Variants in CLMN observed in about 807,000 individuals in gnomAD.
CLMN encodes calmin (calponin-like, transmembrane).
CLMN carries 57 observed loss-of-function variants against 92.7 expected under a neutral mutation model. The observed-to-expected ratio is 0.61, with a 90% CI of 0.50 to 0.77. CLMN has a LOEUF of 0.77. CLMN is among the 30% of genes least tolerant of loss of function. CLMN has a pLI of 0.00. For missense variants in CLMN, 1,158 were observed against 1,237.5 expected, an observed-to-expected ratio of 0.94 and a Z score of 0.96; for synonymous variants, 466 against 470.6, an observed-to-expected ratio of 0.99 and a Z score of 0.13.
intron 8 of CLMN, among the ~76,000 whole-genome samples, chr14:95,207,840 G>A (rs1897088145): frequency 6.6e-6 from 1 of 152,116 alleles, no homozygotes. Context: ...GAGGATCCTG[G>A]GAAGTTCTTC....
intron 5 of CLMN, among the ~76,000 whole-genome samples, chr14:95,213,896 A>G (rs911477922): frequency 6.6e-6 from 1 of 152,160 alleles, no homozygotes; most frequent in East Asian, 1.9e-4. Context: ...TGGAATCAGA[A>G]TCTGTTTCAA....
chr14:95,277,283 C>T (rs1899969513), intron 1 of CLMN, among the ~76,000 whole-genome samples: 2 of 152,156 alleles, frequency 1.3e-5, no homozygotes, highest in South Asian at 4.1e-4. Context: ...GGCCTAGGAC[C>T]CCTGTAAGTC....
chr14:95,292,815 A>C (rs1254767696), intron 1 of CLMN, among the ~76,000 whole-genome samples: 2 of 152,086 alleles, frequency 1.3e-5, no homozygotes, highest in African/African-American at 2.4e-5. Flanking sequence ...GGCGAGATGA[A>C]GCTCCAAAAG....
At chr14:95,210,437 C>T (rs541978264) in intron 7 of CLMN, among the ~76,000 whole-genome samples, 9 of 151,812 alleles carry the variant, frequency 5.9e-5, no homozygotes, top group Admixed American at 3.3e-4. Flanking sequence ...ATGTAAAATA[C>T]TTATGATATA....
Position 95,210,844 on chromosome 14 carries a change from C to T in CLMN, c.644G>A (p.Trp215Ter). The T allele has an allele frequency of 6.4e-7, 1 of 1,560,522 alleles. No individual in the cohort carries two copies. Among genetic ancestry groups the T allele is most frequent in the Non-Finnish European group, 8.6e-7 (1 of 1,160,232 alleles). ...GVAVQDFAGS[W>*]RSGLAFLAVI... The stretch of plus-strand genomic sequence containing the variant: ...CGCCAGGAAAGCCAGCCCACTCCTC[C>T]AACTGCCCGCAAAGTCCTGCACCGC... Residue 215 changes from tryptophan to a stop codon, truncating the protein, a stop_gained, in exon 7 of 13, where the codon TGG (tryptophan) becomes TAG (stop). Coordinates refer to ENST00000298912, the MANE Select transcript of CLMN (RefSeq NM_024734.4). LOFTEE classifies it high-confidence loss of function.
chr14:95,245,678 G>A (rs2140667375), intron 1 of CLMN, among the ~76,000 whole-genome samples: 2 of 144,198 alleles, frequency 1.4e-5, no homozygotes, highest in Non-Finnish European at 1.5e-5. Flanking sequence ...ATAGATGGAT[G>A]GGTGGGTGGG....
chr14:95,236,184 T>A (rs575537084), intron 1 of CLMN, among the ~76,000 whole-genome samples: 1 of 152,322 alleles, frequency 6.6e-6, no homozygotes, highest in African/African-American at 2.4e-5. Context: ...ACAGAGAGCT[T>A]AGGAACATGG....
chr14:95,193,548 C>G lies in CLMN; in HGVS notation c.2840+301G>C, dbSNP rs79774904. The G allele has an allele frequency of 1.6e-5, 11 of 676,640 alleles. No individual in the cohort carries two copies. In the East Asian group the frequency reaches 2.7e-4, roughly 17 times the overall value. 41.9% of individuals were successfully genotyped at this position (676,640 alleles called of 1,614,324 possible). Reference sequence around the variant, plus strand: ...TAACTACCCTATACCACTAAACCACCCTATACTCTATACCACTCATTTAAA... The same window carrying G: ...TAACTACCCTATACCACTAAACCACGCTATACTCTATACCACTCATTTAAA... On this transcript the variant is annotated intron_variant, in intron 12 of 12. Coordinates refer to ENST00000298912, the MANE Select transcript of CLMN (RefSeq NM_024734.4).
chr14:95,246,886 A>T (rs887345426), intron 1 of CLMN, among the ~76,000 whole-genome samples: 2 of 152,112 alleles, frequency 1.3e-5, no homozygotes, highest in Admixed American at 6.6e-5. Context: ...AGTTTAGATC[A>T]CTCATTTCCC....
rs117661233 is a variant in CLMN, at chr14:95,269,426, G to A, written c.83-39293C>T. On this transcript the variant is annotated intron_variant, in intron 1 of 12. Transcript: ENST00000298912. Reference sequence around the variant, plus strand: ...GTATAATATCATTGTTCTTCAAATGGGAAAATAATATGCTTCACCTCTGAG... The same window carrying A: ...GTATAATATCATTGTTCTTCAAATGAGAAAATAATATGCTTCACCTCTGAG... Among the ~76,000 whole-genome samples the A allele has an allele frequency of 6.9e-3, 1,044 of 152,118 alleles. 6 individuals are homozygous for A. The highest frequency in any genetic ancestry group is 9.9e-3 in the Non-Finnish European group (672 of 67,988).
At chr14:95,243,166 G>A (rs1382849027) in intron 1 of CLMN, among the ~76,000 whole-genome samples, 1 of 152,226 alleles carries the variant, frequency 6.6e-6, no homozygotes, top group Non-Finnish European at 1.5e-5. Context: ...TTCACTGCCT[G>A]ATTTAAGCAG....
intron 4 of CLMN, 46 bp downstream of exon 4, chr14:95,221,645 C>G (rs915949910): frequency 5.2e-6 from 8 of 1,545,262 alleles, no homozygotes; most frequent in Non-Finnish European, 7.1e-6. Context: ...CGTCCTTTTC[C>G]TAACAGGACA....
At chr14:95,225,550 A>G (rs190341041) in intron 2 of CLMN, among the ~76,000 whole-genome samples, 1 of 152,374 alleles carries the variant, frequency 6.6e-6, no homozygotes, top group East Asian at 1.9e-4. Context: ...CTCCTCAGGA[A>G]GACATTTCAT....
chr14:95,227,035 T>C (rs1415854587), intron 2 of CLMN, among the ~76,000 whole-genome samples: 1 of 152,088 alleles, frequency 6.6e-6, no homozygotes. Context: ...ATAGGATTAA[T>C]GGGGCATGGA....
At chr14:95,299,408 C>G (rs1175708709) in intron 1 of CLMN, among the ~76,000 whole-genome samples, 3 of 152,170 alleles carry the variant, frequency 2.0e-5, no homozygotes, top group Non-Finnish European at 2.9e-5. Flanking sequence ...TCCAGCCCCA[C>G]GGGACACGCA....
rs192952129 is a variant in CLMN, at chr14:95,187,322, C to A, written c.*4242G>T. On this transcript the variant is annotated 3_prime_UTR_variant, in exon 13 of 13. Transcript: ENST00000298912. ...AGTTATATTAATACAACCATGAACA[C>A]AGAATACAGAAGAGAACAGTAAGCA... is the stretch of plus-strand genomic sequence containing the variant. The A allele has an allele frequency of 3.3e-5, 5 of 152,328 alleles. No homozygotes were observed. The East Asian group carries it at 9.6e-4, about 29-fold the overall frequency. The allele number at this position is 152,328 out of a possible 1,614,324, so 9.4% of individuals were successfully genotyped here.
intron 1 of CLMN, among the ~76,000 whole-genome samples, chr14:95,243,420 G>T (rs914356961): frequency 1.3e-5 from 2 of 152,170 alleles, no homozygotes; most frequent in East Asian, 3.9e-4. Context: ...ATTTTCTCCC[G>T]CCATCACCAA....
intron 1 of CLMN, among the ~76,000 whole-genome samples, chr14:95,316,553 G>GT (rs1040034627): frequency 2.4e-4 from 36 of 152,338 alleles, no homozygotes; most frequent in Non-Finnish European, 3.4e-4. Flanking sequence ...TCATTCCAAT[G>GT]TTTTTTGGGG....
intron 1 of CLMN, 36 bp downstream of exon 1, chr14:95,319,675 G>A (rs373549055): frequency 4.5e-6 from 7 of 1,559,216 alleles, no homozygotes; most frequent in African/African-American, 1.4e-5. Context: ...CCCCCCGAGC[G>A]CCCAGCCATC....
Sources: allele counts gnomAD v4.1 joint callset (sites outside exome capture counted in the v4.1 genomes callset), GRCh38; gene constraint gnomAD v4.1.1; transcripts MANE v1.5; gene names NCBI Gene and HGNC (gene_info 2026-07-23, HGNC 2026-07-21).